The following STPG2 variants were observed in gnomAD, a reference collection of about 807,000 sequenced individuals.
STPG2 encodes the protein sperm-tail PG-rich repeat-containing protein 2.
Under a neutral mutation model 54.2 loss-of-function variants are expected in STPG2, and 56 were observed. That is an observed-to-expected ratio of 1.03 (90% confidence interval 0.83 to 1.29). The LOEUF is 1.29. Among genes scored for constraint, STPG2 ranks in the 50% most tolerant of loss-of-function variants. The pLI, the probability that STPG2 is intolerant of heterozygous loss-of-function variation, is 0.00. For synonymous variants in STPG2, 200 were observed against 181.8 expected (o/e 1.10, Z -0.81); for missense variants, 596 against 544.9 (o/e 1.09, Z -0.93).
intron 8 of STPG2, among the ~76,000 whole-genome samples, chr4:97,899,808 AC>A (rs1731106103): frequency 1.3e-5 from 2 of 152,094 alleles, no homozygotes; most frequent in African/African-American, 4.8e-5. Flanking sequence ...TATACCATAT[AC>A]AAAAATCAGC....
At chr4:97,973,194 C>G (rs1410406424) in intron 6 of STPG2, among the ~76,000 whole-genome samples, 1 of 152,068 alleles carries the variant, frequency 6.6e-6, no homozygotes, top group Non-Finnish European at 1.5e-5. Context: ...ACAATAAAGT[C>G]CAGGCTGAGG....
intron 10 of STPG2, among the ~76,000 whole-genome samples, chr4:97,593,244 C>A (rs536235350): frequency 3.3e-5 from 5 of 152,094 alleles, no homozygotes; most frequent in African/African-American, 1.2e-4. Flanking sequence ...AGCCCACCCC[C>A]ACTCTTCTCC....
chr4:97,802,719 C>T (rs941811596), intron 9 of STPG2, among the ~76,000 whole-genome samples: 1 of 152,130 alleles, frequency 6.6e-6, no homozygotes, highest in Non-Finnish European at 1.5e-5. Context: ...TATCCACGCA[C>T]CTCAGCCTCC....
chr4:97,462,070 AT>A (rs997666410), intron 4 of STPG2, among the ~76,000 whole-genome samples: 24 of 150,702 alleles, frequency 1.6e-4, no homozygotes, highest in African/African-American at 5.6e-4. Context: ...TAGAATCTTG[AT>A]TTTTTTTTCA....
rs569362488 is a variant in STPG2 at position 97,884,167 on chromosome 4, C to T, written c.1045-43235G>A. 4.2e-3 allele frequency among the ~76,000 whole-genome samples: 642 copies of T among 152,084 alleles called. 3 individuals carry two copies. Among genetic ancestry groups the T allele is most frequent in the South Asian group, 0.024 (116 of 4,820 alleles). ...AAGGGAGAATTGCTTTGCACATTCA[C>T]GGGTAATTGCAAGGAGTACACAATA... On this transcript the variant is annotated intron_variant, in intron 8 of 10. Transcript: ENST00000295268.
chr4:97,681,573 CAG>C (rs754895771), intron 10 of STPG2, among the ~76,000 whole-genome samples: 11 of 151,816 alleles, frequency 7.2e-5, no homozygotes, highest in Non-Finnish European at 1.6e-4. Context: ...GATAGCACGA[CAG>C]GGGAAACTCC....
intron 10 of STPG2, among the ~76,000 whole-genome samples, chr4:97,614,331 G>A (rs1435743708): frequency 6.6e-6 from 1 of 151,022 alleles, no homozygotes; most frequent in Non-Finnish European, 1.5e-5. Flanking sequence ...GAAACAAAAA[G>A]AAGTCAAAGG....
At chr4:97,909,826 C>G (rs6814180) in intron 8 of STPG2, among the ~76,000 whole-genome samples, 24,632 of 151,854 alleles carry the variant, frequency 0.16, 2,171 homozygotes, top group East Asian at 0.36. Context: ...AATTACTAAG[C>G]ATATTATACA....
At chr4:97,726,831 T>C (rs534842018) in intron 9 of STPG2, among the ~76,000 whole-genome samples, 12 of 150,380 alleles carry the variant, frequency 8.0e-5, no homozygotes, top group African/African-American at 1.5e-4. Flanking sequence ...CACACACACA[T>C]AATACAAACA....
At chr4:97,609,739 A>T (rs1054702307) in intron 10 of STPG2, among the ~76,000 whole-genome samples, 5 of 151,984 alleles carry the variant, frequency 3.3e-5, no homozygotes, top group African/African-American at 7.2e-5. Flanking sequence ...TCTTCAAGGG[A>T]TCTCTAAAAA....
At chr4:98,004,710 G>A (rs1393730112) in intron 5 of STPG2, among the ~76,000 whole-genome samples, 1 of 151,912 alleles carries the variant, frequency 6.6e-6, no homozygotes, top group African/African-American at 2.4e-5. Flanking sequence ...ATCTCATTTT[G>A]CTTTTGATTT....
At chr4:97,675,156 A>G (rs1026906063) in intron 10 of STPG2, among the ~76,000 whole-genome samples, 1 of 152,052 alleles carries the variant, frequency 6.6e-6, no homozygotes, top group Non-Finnish European at 1.5e-5. Context: ...GGCATGCACC[A>G]CAATGCCCAG....
At chr4:98,114,760 TTTTTTTG>T (rs1408461166) in intron 3 of STPG2, among the ~76,000 whole-genome samples, 1 of 49,076 alleles carries the variant, frequency 2.0e-5, no homozygotes, top group Non-Finnish European at 4.4e-5. Context: ...TCCATTTTTT[TTTTTTTG>T]TGTGTGTGTG....
intron 3 of STPG2, among the ~76,000 whole-genome samples, chr4:98,116,581 GT>G: frequency 6.6e-6 from 1 of 151,944 alleles, no homozygotes; most frequent in East Asian, 1.9e-4. Flanking sequence ...TTTCACTGGA[GT>G]TTTTACAGAA....
At chr4:97,552,830 A>C (rs988259847) in intron 4 of STPG2, among the ~76,000 whole-genome samples, 1 of 152,190 alleles carries the variant, frequency 6.6e-6, no homozygotes, top group African/African-American at 2.4e-5. Context: ...GCATCCGAGC[A>C]GTTATTTTCC....
At chr4:98,142,522 C>T (rs1740327535) in intron 1 of STPG2, among the ~76,000 whole-genome samples, 1 of 151,636 alleles carries the variant, frequency 6.6e-6, no homozygotes, top group Admixed American at 6.6e-5. Flanking sequence ...AAGGGGCTCC[C>T]CTGAAGTGTG....
At chr4:97,682,706 A>G (rs1222209676) in intron 10 of STPG2, among the ~76,000 whole-genome samples, 1 of 151,822 alleles carries the variant, frequency 6.6e-6, no homozygotes, top group Non-Finnish European at 1.5e-5. Flanking sequence ...ATCCATCACC[A>G]TTATCAGATG....
intron 4 of STPG2, among the ~76,000 whole-genome samples, chr4:97,448,182 G>C (rs1729275224): frequency 6.6e-6 from 1 of 152,142 alleles, no homozygotes; most frequent in Admixed American, 6.5e-5. Context: ...TTGTATCTTG[G>C]AAGTAACTAA....
intron 10 of STPG2, among the ~76,000 whole-genome samples, chr4:97,685,181 A>G (rs1723152480): frequency 6.6e-6 from 1 of 152,120 alleles, no homozygotes; most frequent in African/African-American, 2.4e-5. Context: ...TGAAGCTAAT[A>G]TAGTCTTATC....
Sources: gnomAD v4.1 joint callset for allele counts (sites outside exome capture counted in the v4.1 genomes callset) on GRCh38, gnomAD v4.1.1 for gene constraint, MANE v1.5 for transcripts, NCBI Gene and HGNC (gene_info 2026-07-23, HGNC 2026-07-21) for gene names.